The following CTNNA3 variants were observed in gnomAD, a reference collection of about 807,000 sequenced individuals.
The protein encoded by CTNNA3 is catenin alpha 3.
A neutral mutation model predicts 95.7 loss-of-function variants in CTNNA3; 76 were observed. The ratio of observed to expected loss-of-function variants is 0.79; its 90% CI spans 0.66 to 0.96. The LOEUF (loss-of-function observed/expected upper bound fraction) is 0.96. Ranked by LOEUF, CTNNA3 falls within the 40% of genes least tolerant of loss-of-function variation. The pLI, the probability that CTNNA3 is intolerant of heterozygous loss-of-function variation, is 0.00. For synonymous variants in CTNNA3, 431 were observed against 374.4 expected (o/e 1.15, Z -1.74); for missense variants, 1,191 against 1,089.8 (o/e 1.09, Z -1.31).
At chr10:66,408,757 A>T (rs1342128621) in intron 11 of CTNNA3, among the ~76,000 whole-genome samples, 2 of 152,320 alleles carry the variant, frequency 1.3e-5, no homozygotes, top group Non-Finnish European at 2.9e-5. Context: ...TCAGATGTCT[A>T]ATGAGTACAT....
intron 7 of CTNNA3, among the ~76,000 whole-genome samples, chr10:67,176,062 A>G (rs940207578): frequency 6.6e-6 from 1 of 152,180 alleles, no homozygotes; most frequent in African/African-American, 2.4e-5. Context: ...GTTTTAAAAG[A>G]CAAAAGCTAT....
chr10:66,036,783 G>T (rs944018915), intron 15 of CTNNA3, among the ~76,000 whole-genome samples: 3 of 150,178 alleles, frequency 2.0e-5, no homozygotes, highest in Non-Finnish European at 3.0e-5. Context: ...CTTAGCAGTT[G>T]TTAAAAGAGA....
At chr10:66,017,758 T>A (rs564787111) in intron 15 of CTNNA3, among the ~76,000 whole-genome samples, 59 of 152,212 alleles carry the variant, frequency 3.9e-4, no homozygotes, top group African/African-American at 1.4e-3. Flanking sequence ...GAATTTCTGG[T>A]TTAACAAATG....
chr10:66,781,991 T>C (rs1840553978), intron 7 of CTNNA3, among the ~76,000 whole-genome samples: 1 of 152,118 alleles, frequency 6.6e-6, no homozygotes, highest in Non-Finnish European at 1.5e-5. Context: ...TTGAAGCCAC[T>C]GTAACTTAAA....
At chr10:66,849,052 T>C (rs1215738102) in intron 7 of CTNNA3, among the ~76,000 whole-genome samples, 3 of 152,214 alleles carry the variant, frequency 2.0e-5, no homozygotes, top group Admixed American at 2.0e-4. Flanking sequence ...TAATTTCATC[T>C]TTAAGGTCCT....
chr10:67,046,209 TA>T (rs1241108792), intron 7 of CTNNA3, among the ~76,000 whole-genome samples: 1 of 152,216 alleles, frequency 6.6e-6, no homozygotes, highest in Non-Finnish European at 1.5e-5. Context: ...GGTTTCAATT[TA>T]AAGACCCCGT....
intron 16 of CTNNA3, among the ~76,000 whole-genome samples, chr10:65,969,892 T>C (rs1298531959): frequency 6.6e-6 from 1 of 151,722 alleles, no homozygotes; most frequent in Non-Finnish European, 1.5e-5. Context: ...GCTAGAGAGG[T>C]AGACATCTAG....
intron 10 of CTNNA3, among the ~76,000 whole-genome samples, chr10:66,550,297 T>G (rs1842175211): frequency 6.6e-6 from 1 of 152,172 alleles, no homozygotes; most frequent in Admixed American, 6.5e-5. Context: ...TCTTTTTACT[T>G]ACCTTCAGTC....
In CTNNA3 at chr10:66,199,782, TATATATATATATATATATATA is replaced by T. The variant is rs1564755814; in HGVS notation, c.1884+80667_1884+80687del. Among the ~76,000 whole-genome samples the T allele has an allele frequency of 4.9e-3, 62 of 12,664 alleles. 1 individual carries two copies. The highest frequency in any genetic ancestry group is 0.014 in the African/African-American group (53 of 3,720). The allele number at this position is 12,664 out of a possible 152,430, so 8.3% of individuals were successfully genotyped here. ...ACGCCTGGCTATATATATATATATA[TATATATATATATATATATATA>T]TATTTTTTTTTTTTTTTTTTTTTTT... On this transcript the variant is annotated intron_variant, in intron 13 of 17. Coordinates refer to ENST00000433211, the MANE Select transcript of CTNNA3 (RefSeq NM_013266.4).
At chr10:66,504,258 T>A (rs1039385785) in intron 11 of CTNNA3, among the ~76,000 whole-genome samples, 1 of 152,168 alleles carries the variant, frequency 6.6e-6, no homozygotes, top group Non-Finnish European at 1.5e-5. Context: ...CCTGCTTCTA[T>A]GAGTTAGACT....
At chr10:67,346,232 C>G (rs1042341240) in intron 5 of CTNNA3, among the ~76,000 whole-genome samples, 3 of 152,008 alleles carry the variant, frequency 2.0e-5, no homozygotes, top group African/African-American at 2.4e-5. Context: ...TTGGCTCATC[C>G]TGTAGTCTTT....
chr10:66,682,723 T>C (rs769687298), intron 9 of CTNNA3, among the ~76,000 whole-genome samples: 54 of 152,072 alleles, frequency 3.6e-4, no homozygotes, highest in Non-Finnish European at 6.5e-4. Flanking sequence ...AGGTTTGTTA[T>C]ATGGGTATAT....
chr10:66,965,170 ATG>A, intron 7 of CTNNA3, among the ~76,000 whole-genome samples: 1 of 152,214 alleles, frequency 6.6e-6, no homozygotes, highest in African/African-American at 2.4e-5. Flanking sequence ...AAGGCAGACA[ATG>A]CCCTGGATTT....
intron 7 of CTNNA3, among the ~76,000 whole-genome samples, chr10:66,966,839 C>T (rs934584990): frequency 6.6e-6 from 1 of 151,986 alleles, no homozygotes; most frequent in Admixed American, 6.6e-5. Context: ...CTCTGTGTTA[C>T]CCAACATAGA....
At chr10:67,646,052 G>T (rs1177913735) in intron 2 of CTNNA3, among the ~76,000 whole-genome samples, 1 of 149,836 alleles carries the variant, frequency 6.7e-6, no homozygotes, top group African/African-American at 2.4e-5. Flanking sequence ...TATTGTACTG[G>T]AAGTAAACGC....
chr10:66,552,474 C>G (rs1257989325), intron 10 of CTNNA3, among the ~76,000 whole-genome samples: 1 of 152,074 alleles, frequency 6.6e-6, no homozygotes, highest in Non-Finnish European at 1.5e-5. Flanking sequence ...GTACTCTCCT[C>G]CAAAGTTGAC....
intron 12 of CTNNA3, among the ~76,000 whole-genome samples, chr10:66,359,667 CCAAA>C (rs1210798572): frequency 1.3e-5 from 2 of 152,094 alleles, no homozygotes; most frequent in Non-Finnish European, 2.9e-5. Flanking sequence ...GTCATCCCCC[CCAAA>C]CATTCATTCT....
chr10:65,947,090 G>A (rs201629759), intron 17 of CTNNA3, among the ~76,000 whole-genome samples: 1 of 143,604 alleles, frequency 7.0e-6, no homozygotes, highest in African/African-American at 2.6e-5. Flanking sequence ...TCTTTTGTTT[G>A]TTTTTTTTTT....
intron 11 of CTNNA3, among the ~76,000 whole-genome samples, chr10:66,394,246 A>G (rs1564923999): frequency 1.3e-5 from 2 of 152,082 alleles, no homozygotes. Flanking sequence ...GGGAACTTCA[A>G]GTATTCTAGA....
Sources: allele counts gnomAD v4.1 joint callset (sites outside exome capture counted in the v4.1 genomes callset), GRCh38; gene constraint gnomAD v4.1.1; transcripts MANE v1.5; gene names NCBI Gene and HGNC (gene_info 2026-07-23, HGNC 2026-07-21).